GBE1: variants seen among roughly 807,000 people sequenced by gnomAD.
GBE1 encodes 1,4-alpha-glucan branching enzyme 1.
A neutral mutation model predicts 88.8 loss-of-function variants in GBE1; 70 were observed. The ratio of observed to expected loss-of-function variants is 0.79; its 90% CI spans 0.65 to 0.96. The LOEUF is 0.96. Among genes scored for constraint, GBE1 ranks in the 40% least tolerant of loss-of-function variants. The probability of loss-of-function intolerance (pLI) is 0.00; values close to 1 mark genes in which losing one functional copy is unlikely to be tolerated. For missense variants in GBE1, 872 were observed against 871.0 expected, an observed-to-expected ratio of 1.00 and a Z score of -0.01; for synonymous variants, 284 against 300.1, an observed-to-expected ratio of 0.95 and a Z score of 0.56.
intron 1 of GBE1, among the ~76,000 whole-genome samples, chr3:81,748,513 G>T (rs916038504): frequency 6.6e-6 from 1 of 151,180 alleles, no homozygotes; most frequent in African/African-American, 2.4e-5. Flanking sequence ...CGGGAGACTG[G>T]GGCAGGAGAA....
intron 1 of GBE1, among the ~76,000 whole-genome samples, chr3:81,730,766 A>G (rs890335085): frequency 2.6e-5 from 4 of 152,216 alleles, no homozygotes; most frequent in Non-Finnish European, 5.9e-5. Flanking sequence ...GGTTAACTTC[A>G]TAAAGAACCC....
chr3:81,535,320 G>A lies in GBE1; in HGVS notation c.1809C>T (p.Tyr603=), dbSNP rs765577833. 1.5e-5 allele frequency: 24 copies of A among 1,602,440 alleles called. No homozygotes were observed. The highest frequency in any genetic ancestry group is 5.4e-5 in the African/African-American group (4 of 74,160). ...RYGWLAAPQA[Y]VSEKHEGNKI... is the part of the protein sequence containing the mutation. ...TATTGCCTTCATGTTTTTCACTCAC[G>A]TAGGCCTGCAAGAATTAGCACACAT... The change falls in exon 14 of 16, where the codon TAC becomes TAT. Residue 603 remains tyrosine (Y), a synonymous_variant. Transcript: ENST00000429644.
chr3:81,528,991 C>T (rs980583989), intron 14 of GBE1, among the ~76,000 whole-genome samples: 2 of 151,920 alleles, frequency 1.3e-5, no homozygotes, highest in East Asian at 3.9e-4. Context: ...CTGATAAGGA[C>T]TTATTGCTGC....
chr3:81,671,078 G>C, intron 2 of GBE1, 125 bp from the exon 3 acceptor site: 1 of 470,100 alleles, frequency 2.1e-6, no homozygotes, highest in South Asian at 4.9e-5. Context: ...ATTGTTTTCT[G>C]AAGTGTTAAT....
chr3:81,527,613 A>G (rs1185560413), intron 14 of GBE1, among the ~76,000 whole-genome samples: 3 of 152,196 alleles, frequency 2.0e-5, no homozygotes, highest in African/African-American at 7.2e-5. Flanking sequence ...GACACATGAA[A>G]AAATGCTCAT....
At chr3:81,712,354 T>C (rs1576209540) in intron 1 of GBE1, among the ~76,000 whole-genome samples, 1 of 152,214 alleles carries the variant, frequency 6.6e-6, no homozygotes, top group Non-Finnish European at 1.5e-5. Flanking sequence ...TGCACATGTA[T>C]GTTTATTGCA....
chr3:81,534,774 T>C (rs1250923747), intron 14 of GBE1: 1 of 152,738 alleles, frequency 6.5e-6, no homozygotes, highest in African/African-American at 2.4e-5. Context: ...ATTTAAGAAA[T>C]ATTATTTAAG....
chr3:81,558,087 TAAGAG>T (rs765410672), intron 12 of GBE1, among the ~76,000 whole-genome samples: 1 of 151,888 alleles, frequency 6.6e-6, no homozygotes, highest in Non-Finnish European at 1.5e-5. Flanking sequence ...GTTTGGCAAA[TAAGAG>T]AAAAAATGAT....
At chr3:81,518,869 G>C (rs1267382420) in intron 14 of GBE1, among the ~76,000 whole-genome samples, 2 of 151,442 alleles carry the variant, frequency 1.3e-5, no homozygotes, top group Admixed American at 1.3e-4. Context: ...GCCTGTATCT[G>C]GTGAAAGTCA....
intron 11 of GBE1, 43 bp from the exon 12 acceptor site, chr3:81,578,139 G>T (rs373143466): frequency 3.5e-5 from 49 of 1,414,020 alleles, no homozygotes; most frequent in Non-Finnish European, 4.4e-5. Context: ...AAAAAAAAGT[G>T]CTAAGTAGTT....
intron 3 of GBE1, among the ~76,000 whole-genome samples, chr3:81,659,853 A>G (rs1354965086): frequency 6.6e-6 from 1 of 152,188 alleles, no homozygotes. Context: ...ATCCAAGAAT[A>G]TAGTTAATGA....
chr3:81,513,779 G>A (rs1056393106), intron 14 of GBE1, among the ~76,000 whole-genome samples: 7 of 151,644 alleles, frequency 4.6e-5, no homozygotes, highest in African/African-American at 1.5e-4. Context: ...TTGCATGCAT[G>A]TTAACTAATC....
intron 12 of GBE1, among the ~76,000 whole-genome samples, chr3:81,570,892 C>T (rs1194155973): frequency 6.6e-6 from 1 of 152,132 alleles, no homozygotes; most frequent in Non-Finnish European, 1.5e-5. Flanking sequence ...CCCATACATG[C>T]TGGCAAGTAG....
intron 3 of GBE1, among the ~76,000 whole-genome samples, chr3:81,656,545 C>T (rs761153035): frequency 1.6e-4 from 24 of 152,242 alleles, no homozygotes; most frequent in Non-Finnish European, 2.8e-4. Flanking sequence ...AACATATTTA[C>T]ACAGTAGCCT....
At position 81,750,527 on chromosome 3, in the gene GBE1, A is replaced by ATATATATATG. The variant is rs1553696512; in HGVS notation, c.143+10847_143+10848insCATATATATA. ...ACCAATTTCATCTCAAAACATTCATATATATATATACGTATATATATATGT... is the reference window on the plus strand; with the variant it reads ...ACCAATTTCATCTCAAAACATTCATATATATATATGTATATATATACGTATATATATATGT... On this transcript the variant is annotated intron_variant, in intron 1 of 15. Transcript: ENST00000429644. Among the ~76,000 whole-genome samples, 37 of 81,002 alleles carry ATATATATATG rather than the reference A, an allele frequency of 4.6e-4. 2 individuals are homozygous for ATATATATATG. Among genetic ancestry groups the ATATATATATG allele is most frequent in the African/African-American group, 2.9e-3 (37 of 12,970 alleles). The allele number at this position is 81,002 out of a possible 152,430, so 53.1% of individuals were successfully genotyped here.
chr3:81,593,825 G>T lies in GBE1; in HGVS notation c.1108+83C>A. Reference sequence around the variant, plus strand: ...TACTACAGAGAAAGCATATGTAATGGAACTAATAAAAACCAAGACACCAGT... The same window carrying T: ...TACTACAGAGAAAGCATATGTAATGTAACTAATAAAAACCAAGACACCAGT... On this transcript the variant is annotated intron_variant, in intron 8 of 15. Transcript: ENST00000429644. 4.5e-6 allele frequency: 3 copies of T among 670,780 alleles called. No individual in the cohort carries two copies. In the South Asian group the frequency reaches 5.8e-5, roughly 13 times the overall value. The allele number at this position is 670,780 out of a possible 1,614,324, so 41.6% of individuals were successfully genotyped here.
intron 2 of GBE1, among the ~76,000 whole-genome samples, chr3:81,678,065 T>G (rs1406997482): frequency 6.6e-6 from 1 of 152,220 alleles, no homozygotes; most frequent in African/African-American, 2.4e-5. Flanking sequence ...AAATGTGTCA[T>G]TAGGTAATAT....
At chr3:81,560,868 C>T (rs887601756) in intron 12 of GBE1, among the ~76,000 whole-genome samples, 14 of 151,870 alleles carry the variant, frequency 9.2e-5, no homozygotes, top group African/African-American at 2.7e-4. Flanking sequence ...TAATTGTAGA[C>T]GTATTTCCTA....
At chr3:81,719,205 G>T (rs1459485345) in intron 1 of GBE1, among the ~76,000 whole-genome samples, 4 of 151,830 alleles carry the variant, frequency 2.6e-5, no homozygotes, top group Admixed American at 6.6e-5. Flanking sequence ...TGGGATTTCG[G>T]TTTTTTTGTT....
Sources: gnomAD v4.1 joint callset for allele counts (sites outside exome capture counted in the v4.1 genomes callset) on GRCh38, gnomAD v4.1.1 for gene constraint, MANE v1.5 for transcripts, NCBI Gene and HGNC (gene_info 2026-07-23, HGNC 2026-07-21) for gene names.